Variants in GALNT13 observed in about 807,000 individuals in gnomAD.
GALNT13 encodes the protein UDP-GalNAc:polypeptide N-acetylgalactosaminyltransferase 13.
In GALNT13, 28 loss-of-function variants were observed where a neutral mutation model predicts 64.2. The observed-to-expected ratio is 0.44, with a 90% CI of 0.32 to 0.60. The LOEUF is 0.60. Among genes scored for constraint, GALNT13 ranks in the 20% least tolerant of loss-of-function variants. GALNT13 has a pLI of 0.05. For synonymous variants in GALNT13, 214 were observed against 224.6 expected, an observed-to-expected ratio of 0.95 and a Z score of 0.42; for missense variants, 577 against 669.8, an observed-to-expected ratio of 0.86 and a Z score of 1.53.
the GALNT13 span, among the ~76,000 whole-genome samples, chr2:153,820,476 A>G: frequency 5.3e-5 from 8 of 152,160 alleles, no homozygotes; most frequent in Admixed American, 5.2e-4. Context: ...GGACAGTTAG[A>G]AAAAATATCA....
At chr2:153,547,185 C>T in the GALNT13 span, among the ~76,000 whole-genome samples, 1 of 152,202 alleles carries the variant, frequency 6.6e-6, no homozygotes, top group African/African-American at 2.4e-5. Context: ...TGCATATTTT[C>T]AGTTCTTACA....
chr2:154,030,197 G>A (rs1698250116), intron 3 of GALNT13, among the ~76,000 whole-genome samples: 1 of 152,048 alleles, frequency 6.6e-6, no homozygotes. Context: ...ACAAATTGAA[G>A]AAGCTCAGAG....
the GALNT13 span, among the ~76,000 whole-genome samples, chr2:153,092,995 T>C: frequency 6.6e-6 from 1 of 152,034 alleles, no homozygotes; most frequent in South Asian, 2.1e-4. Flanking sequence ...CTGTCACATA[T>C]GGTTTTTATT....
At chr2:154,125,872 G>GA (rs1305475102) in intron 3 of GALNT13, among the ~76,000 whole-genome samples, 18 of 152,156 alleles carry the variant, frequency 1.2e-4, no homozygotes, top group Non-Finnish European at 2.5e-4. Flanking sequence ...AAAGTCCCAG[G>GA]AAAAAATCTT....
intron 3 of GALNT13, among the ~76,000 whole-genome samples, chr2:154,025,224 T>G (rs762968585): frequency 6.6e-6 from 1 of 152,056 alleles, no homozygotes; most frequent in African/African-American, 2.4e-5. Flanking sequence ...CCAAGCTCAG[T>G]TGGAAATGCA....
At chr2:153,439,435 G>T in the GALNT13 span, among the ~76,000 whole-genome samples, 3 of 152,316 alleles carry the variant, frequency 2.0e-5, no homozygotes, top group East Asian at 5.8e-4. Flanking sequence ...TACAGAGGCA[G>T]GCAGGCCTCC....
At chr2:153,678,094 C>T in the GALNT13 span, among the ~76,000 whole-genome samples, 1 of 150,650 alleles carries the variant, frequency 6.6e-6, no homozygotes, top group Admixed American at 6.6e-5. Context: ...AAACTCTCAA[C>T]ACAGTAAACA....
chr2:154,398,753 A>G (rs1699167780), intron 10 of GALNT13, among the ~76,000 whole-genome samples: 1 of 152,230 alleles, frequency 6.6e-6, no homozygotes, highest in South Asian at 2.1e-4. Flanking sequence ...ATACTGGGTT[A>G]TAGTGATGAC....
At chr2:153,254,889 G>C in the GALNT13 span, among the ~76,000 whole-genome samples, 8 of 152,060 alleles carry the variant, frequency 5.3e-5, no homozygotes, top group African/African-American at 9.7e-5. Flanking sequence ...TTACTTCCAA[G>C]TATGCGGTCA....
At chr2:153,301,300 A>G in the GALNT13 span, among the ~76,000 whole-genome samples, 1 of 145,206 alleles carries the variant, frequency 6.9e-6, no homozygotes, top group East Asian at 2.0e-4. Context: ...ACAGAGTGAG[A>G]CTCCTTCTCA....
chr2:153,757,999 T>A, the GALNT13 span, among the ~76,000 whole-genome samples: 4 of 152,162 alleles, frequency 2.6e-5, no homozygotes, highest in African/African-American at 9.7e-5. Context: ...ATAATCCTAT[T>A]TCTCTATTTT....
At chr2:154,211,652 A>AAAAAAAAAAAAAAAAAAG (rs1687778839) in intron 4 of GALNT13, among the ~76,000 whole-genome samples, 1 of 147,118 alleles carries the variant, frequency 6.8e-6, no homozygotes, top group Non-Finnish European at 1.5e-5. Context: ...AAAAAAAAAA[A>AAAAAAAAAAAAAAAAAAG]AAAGAAAAGA....
At chr2:154,044,864 G>A (rs968696473) in intron 3 of GALNT13, among the ~76,000 whole-genome samples, 3 of 152,138 alleles carry the variant, frequency 2.0e-5, no homozygotes, top group South Asian at 2.1e-4. Context: ...AGGTAATTGA[G>A]ATACACAGGA....
At chr2:154,006,121 AT>A (rs917415915) in intron 3 of GALNT13, among the ~76,000 whole-genome samples, 32 of 152,252 alleles carry the variant, frequency 2.1e-4, no homozygotes, top group African/African-American at 7.0e-4. Flanking sequence ...CTGAACATAT[AT>A]TTTTTCACAG....
At chr2:153,122,715 C>T in the GALNT13 span, among the ~76,000 whole-genome samples, 1 of 152,084 alleles carries the variant, frequency 6.6e-6, no homozygotes, top group Non-Finnish European at 1.5e-5. Flanking sequence ...ATACCTTATC[C>T]CTTCCAAGAC....
chr2:153,345,884 T>A, the GALNT13 span, among the ~76,000 whole-genome samples: 1 of 150,796 alleles, frequency 6.6e-6, no homozygotes, highest in Non-Finnish European at 1.5e-5. Flanking sequence ...CAGTTTCGAC[T>A]TCCTGGGCTC....
At chr2:153,138,057 T>C in the GALNT13 span, among the ~76,000 whole-genome samples, 3 of 152,102 alleles carry the variant, frequency 2.0e-5, no homozygotes, top group East Asian at 3.9e-4. Context: ...TTTTCAAATA[T>C]TTGCTTATTT....
intron 3 of GALNT13, among the ~76,000 whole-genome samples, chr2:154,056,853 AT>A (rs1378874822): frequency 2.0e-5 from 3 of 151,960 alleles, no homozygotes; most frequent in African/African-American, 7.2e-5. Context: ...AATATTTAAT[AT>A]TAGAAAAATT....
the GALNT13 span, among the ~76,000 whole-genome samples, chr2:153,826,180 T>C: frequency 1.3e-5 from 2 of 152,186 alleles, no homozygotes; most frequent in Non-Finnish European, 2.9e-5. Flanking sequence ...ATAGACTCCT[T>C]GCAGAGTTCC....
Sources: allele counts gnomAD v4.1 joint callset (sites outside exome capture counted in the v4.1 genomes callset), GRCh38; gene constraint gnomAD v4.1.1; transcripts MANE v1.5; gene names NCBI Gene and HGNC (gene_info 2026-07-23, HGNC 2026-07-21).